COL5A2: variants seen among roughly 807,000 people sequenced by gnomAD.
The protein encoded by COL5A2 is collagen alpha-2(V) chain.
Under a neutral mutation model 208.2 loss-of-function variants are expected in COL5A2, and 23 were observed. That is an observed-to-expected ratio of 0.11 (90% confidence interval 0.08 to 0.16). COL5A2 has a LOEUF of 0.16. Among genes scored for constraint, COL5A2 ranks in the 10% least tolerant of loss-of-function variants. The probability of loss-of-function intolerance (pLI) is 1.00; values close to 1 mark genes in which losing one functional copy is unlikely to be tolerated. For synonymous variants in COL5A2, 625 were observed against 628.5 expected, an observed-to-expected ratio of 0.99 and a Z score of 0.08; for missense variants, 1,590 against 1,956.4, an observed-to-expected ratio of 0.81 and a Z score of 3.53.
the COL5A2 span, among the ~76,000 whole-genome samples, chr2:189,357,963 C>T: frequency 1.3e-5 from 2 of 152,024 alleles, no homozygotes; most frequent in African/African-American, 4.8e-5. Context: ...CACGGCTTCC[C>T]TTGGCTAGGG....
chr2:189,145,476 A>G (rs1688020727), intron 1 of COL5A2, among the ~76,000 whole-genome samples: 1 of 152,302 alleles, frequency 6.6e-6, no homozygotes, highest in South Asian at 2.1e-4. Context: ...CCAAATATCT[A>G]TTGAATATCT....
chr2:189,385,412 C>A, the COL5A2 span, among the ~76,000 whole-genome samples: 1 of 152,022 alleles, frequency 6.6e-6, no homozygotes, highest in Non-Finnish European at 1.5e-5. Flanking sequence ...ACACATCTAA[C>A]AAATGGGGTG....
At chr2:189,137,070 A>T (rs1687840516) in intron 1 of COL5A2, among the ~76,000 whole-genome samples, 1 of 152,196 alleles carries the variant, frequency 6.6e-6, no homozygotes, top group Non-Finnish European at 1.5e-5. Context: ...AATTACAATT[A>T]TTAATCTACA....
chr2:189,071,996 A>T, intron 18 of COL5A2, 44 bp downstream of exon 18: 1 of 1,269,722 alleles, frequency 7.9e-7, no homozygotes, highest in Non-Finnish European at 1.1e-6. Context: ...GGACTCATGT[A>T]ATCATGTAGC....
chr2:189,413,604 G>A, the COL5A2 span, among the ~76,000 whole-genome samples: 1 of 151,934 alleles, frequency 6.6e-6, no homozygotes, highest in Non-Finnish European at 1.5e-5. Flanking sequence ...CTTTCACAGC[G>A]AAGTACAATG....
chr2:189,245,745 G>T, the COL5A2 span, among the ~76,000 whole-genome samples: 1 of 152,000 alleles, frequency 6.6e-6, no homozygotes, highest in Admixed American at 6.5e-5. Flanking sequence ...AAGTGCTGGG[G>T]ATCTATCACA....
chr2:189,177,552 CTTAAG>C (rs998036278), intron 1 of COL5A2, among the ~76,000 whole-genome samples: 1 of 152,124 alleles, frequency 6.6e-6, no homozygotes, highest in African/African-American at 2.4e-5. Context: ...CTTATATTCT[CTTAAG>C]TTGAGAAATA....
chr2:189,174,687 C>G (rs903832228), intron 1 of COL5A2, among the ~76,000 whole-genome samples: 6 of 152,180 alleles, frequency 3.9e-5, no homozygotes, highest in Admixed American at 3.9e-4. Flanking sequence ...CTATATTAGT[C>G]ACAAGATCTT....
At chr2:189,387,145 T>C in the COL5A2 span, among the ~76,000 whole-genome samples, 1 of 152,134 alleles carries the variant, frequency 6.6e-6, no homozygotes, top group Admixed American at 6.6e-5. Context: ...TAAAAAAGAA[T>C]GAAATCATGT....
intron 13 of COL5A2, among the ~76,000 whole-genome samples, chr2:189,080,565 A>G (rs547743052): frequency 1.1e-4 from 16 of 152,286 alleles, no homozygotes; most frequent in Middle Eastern, 6.8e-3. Context: ...TATCTTCAGT[A>G]ATAAGGAAGG....
At chr2:189,206,995 T>C (rs936961765) in intron 1 of COL5A2, among the ~76,000 whole-genome samples, 5 of 152,226 alleles carry the variant, frequency 3.3e-5, no homozygotes, top group African/African-American at 1.2e-4. Flanking sequence ...TAATGTACAC[T>C]TTTAAGAATA....
chr2:189,179,433 TC>T, intron 1 of COL5A2, 74 bp downstream of exon 1: 1 of 1,525,496 alleles, frequency 6.6e-7, no homozygotes, highest in Non-Finnish European at 9.0e-7. Flanking sequence ...TTCACGCTCT[TC>T]CTGAGGCTTA....
upstream of COL5A2, among the ~76,000 whole-genome samples, chr2:189,181,021 C>T (rs1371009232): frequency 6.6e-6 from 1 of 152,124 alleles, no homozygotes; most frequent in African/African-American, 2.4e-5. Context: ...AAAAGACATA[C>T]CCATCACCTT....
At chr2:189,257,350 T>C in the COL5A2 span, among the ~76,000 whole-genome samples, 2 of 152,176 alleles carry the variant, frequency 1.3e-5, no homozygotes, top group African/African-American at 4.8e-5. Context: ...GCCTAAACAA[T>C]TTGTGAGGTT....
the COL5A2 span, among the ~76,000 whole-genome samples, chr2:189,275,334 G>T: frequency 6.6e-6 from 1 of 151,728 alleles, no homozygotes; most frequent in Admixed American, 6.6e-5. Flanking sequence ...AATTTCTGTG[G>T]CATAGTTTTC....
At chr2:189,312,027 T>A in the COL5A2 span, 1 of 754,402 alleles carries the variant, frequency 1.3e-6, no homozygotes, top group Non-Finnish European at 2.4e-6. Flanking sequence ...CATGGCCAGC[T>A]CTGTCTCATA....
chr2:189,286,548 G>T, the COL5A2 span, among the ~76,000 whole-genome samples: 70 of 152,120 alleles, frequency 4.6e-4, no homozygotes, highest in Middle Eastern at 0.014. Flanking sequence ...AACGGGAGGT[G>T]GTCAGACTTG....
the COL5A2 span, among the ~76,000 whole-genome samples, chr2:189,428,474 T>C: frequency 2.6e-5 from 4 of 152,018 alleles, no homozygotes; most frequent in African/African-American, 9.7e-5. Flanking sequence ...AAAAATTAGC[T>C]GGGTGTGGTG....
the COL5A2 span, among the ~76,000 whole-genome samples, chr2:189,423,069 T>G: frequency 6.9e-6 from 1 of 144,314 alleles, no homozygotes; most frequent in Non-Finnish European, 1.5e-5. Flanking sequence ...CCCCAAAAAA[T>G]GGATATTTAA....
Sources: allele counts gnomAD v4.1 joint callset (sites outside exome capture counted in the v4.1 genomes callset), GRCh38; gene constraint gnomAD v4.1.1; transcripts MANE v1.5; gene names NCBI Gene and HGNC (gene_info 2026-07-23, HGNC 2026-07-21).